MGA: variants seen among roughly 807,000 people sequenced by gnomAD.
MGA encodes the protein MAX dimerization protein MGA, also known as MAX gene-associated protein.
MGA carries 40 observed loss-of-function variants against 261.1 expected under a neutral mutation model. The observed-to-expected ratio is 0.15, with a 90% CI of 0.12 to 0.20. MGA has a LOEUF of 0.20. Among genes scored for constraint, MGA ranks in the 10% least tolerant of loss-of-function variants. MGA has a pLI of 1.00. For missense variants in MGA, 3,397 were observed against 3,630.5 expected, an observed-to-expected ratio of 0.94 and a Z score of 1.65; for synonymous variants, 1,302 against 1,290.6, an observed-to-expected ratio of 1.01 and a Z score of -0.19.
chr15:41,664,268 C>T (rs2057595953), intron 1 of MGA, among the ~76,000 whole-genome samples: 1 of 152,128 alleles, frequency 6.6e-6, no homozygotes, highest in Admixed American at 6.5e-5. Flanking sequence ...TAATATTTTG[C>T]TTCGGCAGAA....
chr15:41,743,082 T>C lies in MGA; in HGVS notation c.5122T>C (p.Ser1708Pro). The C allele has an allele frequency of 6.2e-7, 1 of 1,613,996 alleles. No individual in the cohort carries two copies. Among genetic ancestry groups the C allele is most frequent in the Non-Finnish European group, 8.5e-7 (1 of 1,179,886 alleles). ...CGTGGTGACTGCAGCTGCATCTTCCTCCATGGTGACCACACCAACTTCATC... is the reference window on the plus strand; with the variant it reads ...CGTGGTGACTGCAGCTGCATCTTCCCCCATGGTGACCACACCAACTTCATC... Residue 1708 changes from serine (S) to proline (P), a missense_variant, in exon 15 of 24, where the codon TCC becomes CCC. Coordinates refer to ENST00000219905, the MANE Select transcript of MGA (RefSeq NM_001164273.2).
chr15:41,630,996 G>A (rs891946378), intron 1 of MGA, among the ~76,000 whole-genome samples: 4 of 152,128 alleles, frequency 2.6e-5, no homozygotes, highest in Non-Finnish European at 5.9e-5. Context: ...CCATATATGG[G>A]TATTGTATGA....
chr15:41,732,999 C>A (rs1023188396), intron 11 of MGA, among the ~76,000 whole-genome samples: 3 of 152,172 alleles, frequency 2.0e-5, no homozygotes, highest in Admixed American at 6.5e-5. Flanking sequence ...CGCTCAGCCA[C>A]CCAGGCTGGA....
chr15:41,684,188 C>T (rs945014747), intron 2 of MGA, among the ~76,000 whole-genome samples: 8 of 152,138 alleles, frequency 5.3e-5, no homozygotes, highest in Non-Finnish European at 7.4e-5. Context: ...CTGTGCCTAA[C>T]AAAATGTCTG....
At chr15:41,638,769 C>A (rs2056763179) in intron 1 of MGA, among the ~76,000 whole-genome samples, 2 of 149,618 alleles carry the variant, frequency 1.3e-5, no homozygotes, top group African/African-American at 5.0e-5. Flanking sequence ...TGGCTCACTG[C>A]AACCTCTGCC....
At chr15:41,662,054 C>A (rs1361773045) in intron 1 of MGA, among the ~76,000 whole-genome samples, 3 of 152,090 alleles carry the variant, frequency 2.0e-5, no homozygotes, top group Non-Finnish European at 4.4e-5. Flanking sequence ...CTGCTCCTCT[C>A]GGGGAAGGCA....
At chr15:41,746,038 T>TA (rs1265118357) in intron 15 of MGA, among the ~76,000 whole-genome samples, 1 of 152,252 alleles carries the variant, frequency 6.6e-6, no homozygotes, top group Admixed American at 6.5e-5. Context: ...GGCACTTTGA[T>TA]ATCTGTGCTT....
intron 1 of MGA, among the ~76,000 whole-genome samples, chr15:41,624,667 A>T (rs1215084811): frequency 6.6e-6 from 1 of 152,062 alleles, no homozygotes; most frequent in Non-Finnish European, 1.5e-5. Context: ...ACGGGGTTTC[A>T]CCATGTTGGC....
rs549757153 is a variant in MGA at position 41,700,049 on chromosome 15, T to G, written c.2188+890T>G. On this transcript the variant is annotated intron_variant, in intron 5 of 23. Transcript: ENST00000219905. ...ATCAACCTGTCATCGAGGTTTTTTT[T>G]TTTTTTTTTTTTTTTGATGCGCAGT... Among the ~76,000 whole-genome samples, 224 of 143,098 alleles carry G rather than the reference T, an allele frequency of 1.6e-3. 2 individuals carry two copies. Among genetic ancestry groups the G allele is most frequent in the African/African-American group, 5.4e-3 (207 of 38,552 alleles). 93.9% of individuals were successfully genotyped at this position (143,098 alleles called of 152,430 possible).
chr15:41,746,987 A>G (rs1225015142), intron 15 of MGA, among the ~76,000 whole-genome samples: 1 of 147,774 alleles, frequency 6.8e-6, no homozygotes, highest in African/African-American at 2.5e-5. Flanking sequence ...AAAAAAATCT[A>G]GATTACTCAT....
chr15:41,639,391 A>T (rs1160616739), intron 1 of MGA, among the ~76,000 whole-genome samples: 2 of 152,028 alleles, frequency 1.3e-5, no homozygotes, highest in Non-Finnish European at 2.9e-5. Context: ...AATGTTTGTC[A>T]TTCCTATTTA....
intron 19 of MGA, 102 bp from the exon 20 acceptor site, chr15:41,760,221 C>A: frequency 9.0e-7 from 1 of 1,107,070 alleles, no homozygotes; most frequent in Non-Finnish European, 1.4e-6. Context: ...ACAGTCCAGA[C>A]AAAAGGTAAT....
At chr15:41,656,371 TCTCTCTCACACC>T, upstream of MGA, among the ~76,000 whole-genome samples, 1 of 137,718 alleles carries the variant, frequency 7.3e-6, no homozygotes. Context: ...TCTCTCTCTC[TCTCTCTCACACC>T]CAGGCTGGAG....
chr15:41,716,751 T>A (rs2060658996), intron 9 of MGA, among the ~76,000 whole-genome samples: 1 of 152,166 alleles, frequency 6.6e-6, no homozygotes, highest in African/African-American at 2.4e-5. Flanking sequence ...CACTTGTCAC[T>A]GCAACACTGG....
At chr15:41,699,957 C>G (rs2059747400) in intron 5 of MGA, among the ~76,000 whole-genome samples, 1 of 143,664 alleles carries the variant, frequency 7.0e-6, no homozygotes, top group Non-Finnish European at 1.5e-5. Context: ...ACTTTGAGTT[C>G]TGGGATACGT....
intron 11 of MGA, among the ~76,000 whole-genome samples, chr15:41,732,308 C>T (rs1444311938): frequency 2.6e-5 from 4 of 152,078 alleles, no homozygotes; most frequent in South Asian, 2.1e-4. Flanking sequence ...CCACCACGCC[C>T]GGCTAATTTT....
rs1567064067 is a variant in MGA at position 41,742,498 on chromosome 15, T to TA, written c.4586-44dup. 3 of 1,584,176 alleles carry TA rather than the reference T, an allele frequency of 1.9e-6. No individual in the cohort carries two copies. In the South Asian group the frequency reaches 3.5e-5, roughly 18 times the overall value. On this transcript the variant is annotated intron_variant, in intron 14 of 23. Coordinates refer to ENST00000219905, the MANE Select transcript of MGA (RefSeq NM_001164273.2). ...TCGGTAAGCACAGTCACTAAGAGGA[T>TA]AAAATATGAGAACTGAAGATTTTTG... is the stretch of plus-strand genomic sequence containing the variant.
At chr15:41,656,422 A>G (rs970491204), upstream of MGA, among the ~76,000 whole-genome samples, 1 of 137,776 alleles carries the variant, frequency 7.3e-6, no homozygotes, top group Non-Finnish European at 1.5e-5. Flanking sequence ...ACTCACTGCA[A>G]CCTCTGCCCC....
intron 1 of MGA, among the ~76,000 whole-genome samples, chr15:41,633,990 G>T (rs1332495380): frequency 6.6e-6 from 1 of 151,912 alleles, no homozygotes; most frequent in East Asian, 1.9e-4. Flanking sequence ...TTCATGCTGG[G>T]CATATACCCT....
Sources: allele counts gnomAD v4.1 joint callset (sites outside exome capture counted in the v4.1 genomes callset), GRCh38; gene constraint gnomAD v4.1.1; transcripts MANE v1.5; gene names NCBI Gene and HGNC (gene_info 2026-07-23, HGNC 2026-07-21).